CELF2: variants seen among roughly 807,000 people sequenced by gnomAD.
CELF2 encodes the protein CUG triplet repeat RNA-binding protein 2.
CELF2 carries 8 observed loss-of-function variants against 62.6 expected under a neutral mutation model. That is an observed-to-expected ratio of 0.13 (90% CI 0.07 to 0.23). The LOEUF is 0.23. Among genes scored for constraint, CELF2 ranks in the 10% least tolerant of loss-of-function variants. CELF2 has a pLI of 1.00. For missense variants in CELF2, 333 were observed against 671.0 expected (o/e 0.50, Z 5.56); for synonymous variants, 258 against 250.0 (o/e 1.03, Z -0.30).
intron 1 of CELF2, among the ~76,000 whole-genome samples, chr10:11,103,800 G>A (rs530168378): frequency 2.4e-4 from 37 of 152,224 alleles, no homozygotes; most frequent in Non-Finnish European, 3.4e-4. Flanking sequence ...GGGTGAATTC[G>A]TATATAGATG....
chr10:10,598,783 CAG>C, the CELF2 span, among the ~76,000 whole-genome samples: 1 of 66,936 alleles, frequency 1.5e-5, no homozygotes, highest in Non-Finnish European at 3.0e-5. Context: ...TTTTTTGAGA[CAG>C]AGTCTCCCTC....
the CELF2 span, among the ~76,000 whole-genome samples, chr10:10,564,103 G>A: frequency 2.0e-5 from 3 of 152,222 alleles, no homozygotes; most frequent in South Asian, 2.1e-4. Flanking sequence ...TCCTTTGCTC[G>A]CTACCTTTTG....
At chr10:10,989,571 T>TA (rs1258465217) in intron 2 of CELF2, among the ~76,000 whole-genome samples, 2 of 151,660 alleles carry the variant, frequency 1.3e-5, no homozygotes, top group African/African-American at 2.4e-5. Flanking sequence ...GATCAAATAG[T>TA]AAAAAAGGAA....
At chr10:10,734,940 G>T in the CELF2 span, among the ~76,000 whole-genome samples, 1 of 152,130 alleles carries the variant, frequency 6.6e-6, no homozygotes, top group African/African-American at 2.4e-5. Context: ...GGGACTGTGT[G>T]GATGAAGAGT....
intron 2 of CELF2, among the ~76,000 whole-genome samples, chr10:10,953,517 G>T (rs1468848779): frequency 6.6e-6 from 1 of 152,072 alleles, no homozygotes; most frequent in Non-Finnish European, 1.5e-5. Context: ...ACACTTTCTT[G>T]TATATTGTTC....
chr10:10,472,986 T>A, the CELF2 span, among the ~76,000 whole-genome samples: 2 of 152,042 alleles, frequency 1.3e-5, no homozygotes, highest in Non-Finnish European at 2.9e-5. Context: ...GGATCTCATT[T>A]CTGACACTGC....
the CELF2 span, among the ~76,000 whole-genome samples, chr10:10,547,880 G>A: frequency 6.6e-6 from 1 of 152,132 alleles, no homozygotes; most frequent in Non-Finnish European, 1.5e-5. Context: ...CCTACCTTCT[G>A]AGAGTGAATA....
intron 2 of CELF2, among the ~76,000 whole-genome samples, chr10:11,196,675 G>A (rs762664672): frequency 1.8e-4 from 27 of 147,444 alleles, no homozygotes; most frequent in Admixed American, 3.4e-4. Flanking sequence ...AAACAAAACA[G>A]AACCGGGCGC....
At chr10:11,249,014 T>C in intron 3 of CELF2, 139 bp from the exon 4 acceptor site, 1 of 660,604 alleles carries the variant, frequency 1.5e-6, no homozygotes, top group Non-Finnish European at 2.7e-6. Context: ...CTTTTTAACA[T>C]AGTTAATAGT....
the CELF2 span, among the ~76,000 whole-genome samples, chr10:10,663,285 C>G: frequency 6.6e-6 from 1 of 152,118 alleles, no homozygotes. Context: ...CAGAAGCAAG[C>G]GGCTACAAGT....
intron 1 of CELF2, among the ~76,000 whole-genome samples, chr10:10,869,003 CAT>C (rs747862548): frequency 6.6e-6 from 1 of 152,188 alleles, no homozygotes; most frequent in African/African-American, 2.4e-5. Context: ...GTTATAGTAA[CAT>C]GTGCTAATAT....
chr10:10,935,687 A>G (rs1237245852), intron 2 of CELF2, among the ~76,000 whole-genome samples: 1 of 152,212 alleles, frequency 6.6e-6, no homozygotes, highest in Non-Finnish European at 1.5e-5. Context: ...AATGCTACAA[A>G]AGGAATTAAT....
intron 1 of CELF2, among the ~76,000 whole-genome samples, chr10:11,067,484 C>A (rs1415340239): frequency 6.6e-6 from 1 of 152,188 alleles, no homozygotes; most frequent in Non-Finnish European, 1.5e-5. Flanking sequence ...AATGAGAACG[C>A]TTCTAAGTGC....
chr10:11,016,991 G>A (rs553744434), upstream of CELF2, among the ~76,000 whole-genome samples: 1 of 152,362 alleles, frequency 6.6e-6, no homozygotes, highest in East Asian at 1.9e-4. This position sits in a 1 kb window ranked among gnomAD's most constrained non-coding sequence, Gnocchi z 5.2. Context: ...TGACTACACT[G>A]TGAAAAGTTT....
chr10:10,816,512 T>A (rs992136497), intron 1 of CELF2, among the ~76,000 whole-genome samples: 3 of 152,162 alleles, frequency 2.0e-5, no homozygotes, highest in African/African-American at 7.2e-5. Context: ...CCTATAATTA[T>A]TTTTATCTGT....
At chr10:11,124,602 C>G (rs1382819298) in intron 1 of CELF2, among the ~76,000 whole-genome samples, 2 of 152,132 alleles carry the variant, frequency 1.3e-5, no homozygotes, top group Non-Finnish European at 1.5e-5. Context: ...ATGGGAAGTT[C>G]AGTAAGGCAT....
intron 1 of CELF2, among the ~76,000 whole-genome samples, chr10:11,128,958 T>C (rs1207059053): frequency 6.6e-6 from 1 of 152,198 alleles, no homozygotes; most frequent in African/African-American, 2.4e-5. Flanking sequence ...CTTGTGCCAG[T>C]TTTCAAAGGG....
intron 4 of CELF2, among the ~76,000 whole-genome samples, chr10:11,251,696 G>T (rs929794702): frequency 1.3e-5 from 2 of 152,138 alleles, no homozygotes; most frequent in African/African-American, 4.8e-5. Context: ...GTGAGAGGGG[G>T]CTACAGTGGT....
At chr10:11,108,208 C>T (rs2054151551) in intron 1 of CELF2, among the ~76,000 whole-genome samples, 1 of 149,620 alleles carries the variant, frequency 6.7e-6, no homozygotes, top group Non-Finnish European at 1.5e-5. Flanking sequence ...ACAGCCCCTA[C>T]TCCCTGCTCA....
Sources: allele counts gnomAD v4.1 joint callset (sites outside exome capture counted in the v4.1 genomes callset), GRCh38; gene constraint gnomAD v4.1.1; non-coding constraint Gnocchi (gnomAD v3.1); transcripts MANE v1.5; gene names NCBI Gene and HGNC (gene_info 2026-07-23, HGNC 2026-07-21).